Variants in ADGRL4 observed in about 807,000 individuals in gnomAD.
ADGRL4 encodes adhesion G protein-coupled receptor L4, also known as EGF, latrophilin and seven transmembrane domain containing 1.
In ADGRL4, 90 loss-of-function variants were observed where a neutral mutation model predicts 74.8. That is an observed-to-expected ratio of 1.20 (90% CI 1.02 to 1.43). The LOEUF (loss-of-function observed/expected upper bound fraction) is 1.43, where lower values mean the gene tolerates loss of function less well. ADGRL4 is among the 40% of genes most tolerant of loss of function. ADGRL4 has a pLI of 0.00. For missense variants in ADGRL4, 881 were observed against 814.3 expected, an observed-to-expected ratio of 1.08 and a Z score of -1.00; for synonymous variants, 311 against 279.2, an observed-to-expected ratio of 1.11 and a Z score of -1.14.
intron 3 of ADGRL4, chr1:78,939,592 T>C (rs928066540): frequency 6.3e-6 from 1 of 157,696 alleles, no homozygotes; most frequent in African/African-American, 2.4e-5. Context: ...CACAACTGTG[T>C]ACTACATATT....
chr1:78,902,366 A>C (rs981728792), intron 12 of ADGRL4, among the ~76,000 whole-genome samples: 9 of 152,172 alleles, frequency 5.9e-5, no homozygotes, highest in Non-Finnish European at 8.8e-5. Flanking sequence ...AGTTAATGGG[A>C]TAAGCATTCT....
At chr1:78,956,164 A>C (rs1649824632) in intron 2 of ADGRL4, among the ~76,000 whole-genome samples, 1 of 152,154 alleles carries the variant, frequency 6.6e-6, no homozygotes, top group African/African-American at 2.4e-5. Context: ...CCGAAACACA[A>C]AAATTAGCAG....
At chr1:78,981,707 T>G (rs2100726697) in intron 2 of ADGRL4, among the ~76,000 whole-genome samples, 1 of 152,024 alleles carries the variant, frequency 6.6e-6, no homozygotes, top group African/African-American at 2.4e-5. Context: ...AGTTCTATTT[T>G]TATGTCTTGG....
intron 2 of ADGRL4, among the ~76,000 whole-genome samples, chr1:78,997,606 C>T (rs1650744063): frequency 6.6e-6 from 1 of 152,064 alleles, no homozygotes; most frequent in South Asian, 2.1e-4. Flanking sequence ...CAAAATTTTC[C>T]AGAATGTCTT....
At chr1:78,955,650 G>T (rs1235937411) in intron 2 of ADGRL4, among the ~76,000 whole-genome samples, 1 of 151,776 alleles carries the variant, frequency 6.6e-6, no homozygotes, top group Non-Finnish European at 1.5e-5. Context: ...AAATGAGTAA[G>T]TTTTTTCATC....
intron 2 of ADGRL4, among the ~76,000 whole-genome samples, chr1:78,972,383 A>T (rs1233594847): frequency 1.3e-5 from 2 of 152,198 alleles, no homozygotes; most frequent in Admixed American, 6.5e-5. Context: ...AATAGACCTC[A>T]TAAATATTAC....
chr1:79,006,724 G>C lies in ADGRL4; in HGVS notation c.-70C>G, dbSNP rs891867045. The C allele has an allele frequency of 1.6e-5, 22 of 1,388,148 alleles. No homozygotes were observed. The highest frequency in any genetic ancestry group is 7.2e-5 in the Admixed American group (2 of 27,594). The allele number at this position is 1,388,148 out of a possible 1,614,324, so 86.0% of individuals were successfully genotyped here. On this transcript the variant is annotated 5_prime_UTR_variant, in exon 1 of 15. Transcript: ENST00000370742. ...TGAGTGCGGCTGTGGACCCGGGACC[G>C]GGCGCCGCTGGGCGGGCGCGGCAGG...
In ADGRL4 at chr1:78,970,974, G is replaced by A. The variant is rs146977598; in HGVS notation, c.173-24548C>T. On this transcript the variant is annotated intron_variant, in intron 2 of 14. Transcript: ENST00000370742. Reference sequence around the variant, plus strand: ...TGGTCTCCCTCTCCCTATGCAAACTGGTAAAAGGCCTTGGGATTTTTGAGC... The same window carrying A: ...TGGTCTCCCTCTCCCTATGCAAACTAGTAAAAGGCCTTGGGATTTTTGAGC... 2.3e-3 allele frequency among the ~76,000 whole-genome samples: 354 copies of A among 152,224 alleles called. 1 individual carries two copies. Among genetic ancestry groups the A allele is most frequent in the African/African-American group, 8.0e-3 (332 of 41,546 alleles).
intron 2 of ADGRL4, among the ~76,000 whole-genome samples, chr1:78,958,125 G>A (rs1473715708): frequency 6.6e-6 from 1 of 151,818 alleles, no homozygotes. Flanking sequence ...AGAAAACAAG[G>A]TTCCTTTCAA....
chr1:78,917,679 GT>G lies in ADGRL4; in HGVS notation c.1703del (p.Asn568ThrfsTer8). ...GTCCTATAAAACTCCAAATAAAGTT[GT>G]TTTCGGTGCTAAGCCAACATCTGAA... ...TTKVCWLSTE[N>X]NFIWSFIGPA... On this transcript the variant is annotated frameshift_variant, in exon 12 of 15. Transcript: ENST00000370742. LOFTEE classifies it high-confidence loss of function. 6.2e-7 allele frequency: 1 copy of G among 1,607,808 alleles called. No individual in the cohort carries two copies. Among genetic ancestry groups the G allele is most frequent in the Non-Finnish European group, 8.5e-7 (1 of 1,176,852 alleles).
intron 2 of ADGRL4, among the ~76,000 whole-genome samples, chr1:78,972,172 T>C (rs144836697): frequency 4.1e-4 from 62 of 152,334 alleles, no homozygotes; most frequent in Non-Finnish European, 7.4e-4. Flanking sequence ...GGGAAATAAT[T>C]ATCCTTCATT....
chr1:78,956,621 G>C (rs1312213312), intron 2 of ADGRL4, among the ~76,000 whole-genome samples: 1 of 152,028 alleles, frequency 6.6e-6, no homozygotes, highest in Non-Finnish European at 1.5e-5. Flanking sequence ...GCAAAACCAG[G>C]TTGCTCAAAT....
At chr1:78,993,479 G>A (rs1308009975) in intron 2 of ADGRL4, among the ~76,000 whole-genome samples, 3 of 152,030 alleles carry the variant, frequency 2.0e-5, no homozygotes, top group African/African-American at 7.2e-5. Context: ...TGTGAGACAA[G>A]CATTATGAAT....
chr1:78,938,734 C>T (rs375359779), intron 4 of ADGRL4, among the ~76,000 whole-genome samples: 8 of 151,964 alleles, frequency 5.3e-5, no homozygotes, highest in African/African-American at 1.9e-4. Flanking sequence ...TTTAAACTGA[C>T]AGTTTATTAC....
chr1:78,971,354 T>C (rs1020295520), intron 2 of ADGRL4, among the ~76,000 whole-genome samples: 2 of 152,132 alleles, frequency 1.3e-5, no homozygotes, highest in African/African-American at 4.8e-5. Context: ...TGTATACATG[T>C]GTCATGTTGG....
At chr1:78,923,408 G>A (rs956123965) in intron 8 of ADGRL4, among the ~76,000 whole-genome samples, 1 of 151,990 alleles carries the variant, frequency 6.6e-6, no homozygotes, top group Non-Finnish European at 1.5e-5. Context: ...ACTGACATTC[G>A]GGATCTTCCA....
intron 2 of ADGRL4, among the ~76,000 whole-genome samples, chr1:78,949,892 A>C (rs1649686193): frequency 6.6e-6 from 1 of 152,238 alleles, no homozygotes; most frequent in East Asian, 1.9e-4. Flanking sequence ...AATAAGGAAA[A>C]ATATTTGGTA....
At chr1:78,998,078 A>G (rs998592644) in intron 2 of ADGRL4, among the ~76,000 whole-genome samples, 1 of 152,058 alleles carries the variant, frequency 6.6e-6, no homozygotes, top group African/African-American at 2.4e-5. Flanking sequence ...AATCACCTAG[A>G]TTTCTCTCCA....
At chr1:78,979,219 T>C (rs1650351965) in intron 2 of ADGRL4, among the ~76,000 whole-genome samples, 1 of 151,986 alleles carries the variant, frequency 6.6e-6, no homozygotes, top group African/African-American at 2.4e-5. Flanking sequence ...GAAAATGTCA[T>C]TGTGTCCTTT....
Sources: gnomAD v4.1 joint callset for allele counts (sites outside exome capture counted in the v4.1 genomes callset) on GRCh38, gnomAD v4.1.1 for gene constraint, MANE v1.5 for transcripts, NCBI Gene and HGNC (gene_info 2026-07-23, HGNC 2026-07-21) for gene names.